LHFPL2: variants seen among roughly 807,000 people sequenced by gnomAD.
LHFPL2 encodes LHFPL tetraspan subfamily member 2, also known as LHFPL tetraspan subfamily member 2 protein.
Under a neutral mutation model 17.5 loss-of-function variants are expected in LHFPL2, and 7 were observed. That is an observed-to-expected ratio of 0.40 (90% CI 0.23 to 0.75). The LOEUF is 0.75. Among genes scored for constraint, LHFPL2 ranks in the 30% least tolerant of loss-of-function variants. The pLI is 0.37. For synonymous variants in LHFPL2, 134 were observed against 116.2 expected, an observed-to-expected ratio of 1.15 and a Z score of -0.99; for missense variants, 241 against 294.8, an observed-to-expected ratio of 0.82 and a Z score of 1.34.
Position 78,486,119 on chromosome 5 carries a change from AAAGAC to A in LHFPL2, c.*2773_*2777del, listed in dbSNP as rs1372105200. 6.6e-6 allele frequency: 1 copy of A among 152,590 alleles called. No homozygotes were observed. 9.5% of individuals were successfully genotyped at this position (152,590 alleles called of 1,614,324 possible). On this transcript the variant is annotated 3_prime_UTR_variant, in exon 5 of 5. Coordinates refer to ENST00000380345, the MANE Select transcript of LHFPL2 (RefSeq NM_005779.3). Reference sequence around the variant, plus strand: ...ATTTTTAAATATGCTACACATAAAAAAAGACTATGGCACTTTACAGAATATATGTT... The same window carrying A: ...ATTTTTAAATATGCTACACATAAAAATATGGCACTTTACAGAATATATGTT...
chr5:78,503,750 A>G (rs1407069204), intron 4 of LHFPL2, among the ~76,000 whole-genome samples: 1 of 151,838 alleles, frequency 6.6e-6, no homozygotes, highest in East Asian at 1.9e-4. Context: ...CTAAATTAAT[A>G]CCTGCTTGGT....
chr5:78,529,589 T>A (rs189144601), intron 3 of LHFPL2, among the ~76,000 whole-genome samples: 1 of 151,718 alleles, frequency 6.6e-6, no homozygotes, highest in African/African-American at 2.4e-5. Flanking sequence ...TGAGCCGAGA[T>A]TGCGCCACTG....
intron 2 of LHFPL2, among the ~76,000 whole-genome samples, chr5:78,589,210 C>T (rs1037045916): frequency 1.3e-5 from 2 of 152,112 alleles, no homozygotes; most frequent in Non-Finnish European, 1.5e-5. Flanking sequence ...GTGGCTCACG[C>T]CTGTAATCCC....
intron 3 of LHFPL2, among the ~76,000 whole-genome samples, chr5:78,552,225 C>T (rs1335175510): frequency 6.6e-6 from 1 of 151,904 alleles, no homozygotes; most frequent in African/African-American, 2.4e-5. Flanking sequence ...GCTCCGCCTC[C>T]CAGGTTCATG....
intron 3 of LHFPL2, among the ~76,000 whole-genome samples, chr5:78,535,735 C>T (rs1409585507): frequency 1.3e-5 from 2 of 152,204 alleles, no homozygotes; most frequent in African/African-American, 2.4e-5. Flanking sequence ...CCGACACTGC[C>T]GCATGGCTGT....
chr5:78,639,547 TAAG>T (rs989302364), intron 1 of LHFPL2, among the ~76,000 whole-genome samples: 20 of 152,182 alleles, frequency 1.3e-4, no homozygotes, highest in Admixed American at 3.3e-4. Flanking sequence ...AGGCCCACTG[TAAG>T]AAGGAGCAAA....
chr5:78,532,475 A>T (rs944359312), intron 3 of LHFPL2, among the ~76,000 whole-genome samples: 2 of 152,168 alleles, frequency 1.3e-5, no homozygotes, highest in African/African-American at 4.8e-5. Flanking sequence ...GCTATTGATG[A>T]TGAAGCAGAA....
At chr5:78,562,538 G>T (rs1249661911) in intron 3 of LHFPL2, among the ~76,000 whole-genome samples, 1 of 151,976 alleles carries the variant, frequency 6.6e-6, no homozygotes, top group Non-Finnish European at 1.5e-5. Context: ...GGGAGGCTGA[G>T]GCAGAAGAAC....
At chr5:78,633,392 C>T (rs1162506864) in intron 1 of LHFPL2, among the ~76,000 whole-genome samples, 3 of 152,212 alleles carry the variant, frequency 2.0e-5, no homozygotes, top group Non-Finnish European at 4.4e-5. Context: ...CCACCAAATG[C>T]CTGGGTGGCA....
At chr5:78,573,302 G>A (rs1757050254) in intron 2 of LHFPL2, among the ~76,000 whole-genome samples, 1 of 152,166 alleles carries the variant, frequency 6.6e-6, no homozygotes, top group African/African-American at 2.4e-5. Context: ...TGACAAATGT[G>A]GCATTTGAGC....
chr5:78,574,708 T>C (rs1364746540), intron 2 of LHFPL2, among the ~76,000 whole-genome samples: 2 of 152,240 alleles, frequency 1.3e-5, no homozygotes, highest in South Asian at 2.1e-4. Flanking sequence ...CCACAAGATT[T>C]TTCTGTGCTA....
At chr5:78,562,362 G>A (rs759325622) in intron 3 of LHFPL2, among the ~76,000 whole-genome samples, 6 of 152,146 alleles carry the variant, frequency 3.9e-5, no homozygotes, top group Admixed American at 3.3e-4. Context: ...GCTCACCCCA[G>A]ACTGCAACTG....
intron 3 of LHFPL2, among the ~76,000 whole-genome samples, chr5:78,515,313 T>C (rs954760933): frequency 3.1e-5 from 4 of 130,910 alleles, no homozygotes; most frequent in Non-Finnish European, 6.5e-5. Flanking sequence ...TTGAAGATAC[T>C]GGGCTAGTTG....
rs946569284 is a variant in LHFPL2, at chr5:78,485,825, C to G, written c.*3072G>C. ...AACTGGGCCTGGCGTGCGGGCTTAA[C>G]TTTGACATAACACTAGCGATTATTT... On this transcript the variant is annotated 3_prime_UTR_variant, in exon 5 of 5. Coordinates refer to ENST00000380345, the MANE Select transcript of LHFPL2 (RefSeq NM_005779.3). 60 of 152,628 alleles carry G rather than the reference C, an allele frequency of 3.9e-4. No homozygotes were observed. Among genetic ancestry groups the G allele is most frequent in the African/African-American group, 1.3e-3 (52 of 41,454 alleles). The allele number at this position is 152,628 out of a possible 1,614,324, so 9.5% of individuals were successfully genotyped here. A position where few individuals can be genotyped will look rare whatever the true frequency, so the allele number is the denominator to read the frequency against.
intron 4 of LHFPL2, among the ~76,000 whole-genome samples, chr5:78,508,497 C>T (rs1211613962): frequency 6.6e-6 from 1 of 152,116 alleles, no homozygotes; most frequent in Non-Finnish European, 1.5e-5. Flanking sequence ...ACTCCCCATC[C>T]CCCACCTCCA....
intron 3 of LHFPL2, among the ~76,000 whole-genome samples, chr5:78,530,374 G>A (rs570145598): frequency 6.6e-6 from 1 of 152,252 alleles, no homozygotes; most frequent in Non-Finnish European, 1.5e-5. Context: ...ACTTCTTGTA[G>A]AAGCATAACC....
In LHFPL2 at chr5:78,513,089, T is replaced by C. The variant is rs1278814495; in HGVS notation, c.-185-2691A>G. On this transcript the variant is annotated intron_variant, in intron 3 of 4. Coordinates refer to ENST00000380345, the MANE Select transcript of LHFPL2 (RefSeq NM_005779.3). ...TTTTCAATGAGAACATTCATATTTG[T>C]CCTCTTGCAGAACTGCAGGGCTCCT... 2.0e-5 allele frequency among the ~76,000 whole-genome samples: 3 copies of C among 152,190 alleles called. No individual in the cohort carries two copies. The East Asian group carries it at 5.8e-4, about 29-fold the overall frequency.
rs544857479 is a variant in LHFPL2 at position 78,573,957 on chromosome 5, G to A, written c.-244-9086C>T. On this transcript the variant is annotated intron_variant, in intron 2 of 4. Coordinates refer to ENST00000380345, the MANE Select transcript of LHFPL2 (RefSeq NM_005779.3). ...TCATCAAAAGTGCCTAACTAAGATCGTTTACTTCAAACTACTTGTGTTTCC... is the reference window on the plus strand; with the variant it reads ...TCATCAAAAGTGCCTAACTAAGATCATTTACTTCAAACTACTTGTGTTTCC... Among the ~76,000 whole-genome samples the A allele has an allele frequency of 3.3e-5, 5 of 152,204 alleles. No homozygotes were observed. In the South Asian group the frequency reaches 8.3e-4, roughly 25 times the overall value.
At chr5:78,539,501 C>T (rs562680520) in intron 3 of LHFPL2, among the ~76,000 whole-genome samples, 20 of 152,136 alleles carry the variant, frequency 1.3e-4, no homozygotes, top group Non-Finnish European at 1.9e-4. Context: ...GCTTAGCATA[C>T]GGTATATCGT....
Sources: gnomAD v4.1 joint callset for allele counts (sites outside exome capture counted in the v4.1 genomes callset) on GRCh38, gnomAD v4.1.1 for gene constraint, MANE v1.5 for transcripts, NCBI Gene and HGNC (gene_info 2026-07-23, HGNC 2026-07-21) for gene names.